Variants in AGBL4 observed in about 807,000 individuals in gnomAD.
AGBL4 encodes AGBL carboxypeptidase 4.
In AGBL4, 58 loss-of-function variants were observed where a neutral mutation model predicts 66.4. The observed-to-expected ratio is 0.87, with a 90% CI of 0.71 to 1.09. The LOEUF is 1.09. Ranked by LOEUF, AGBL4 falls within the 50% of genes least tolerant of loss-of-function variation. The pLI is 0.00. For synonymous variants in AGBL4, 234 were observed against 222.9 expected (o/e 1.05, Z -0.44); for missense variants, 579 against 631.0 (o/e 0.92, Z 0.88).
At chr1:49,881,792 T>C (rs554878223) in intron 1 of AGBL4, among the ~76,000 whole-genome samples, 1 of 151,734 alleles carries the variant, frequency 6.6e-6, no homozygotes, top group East Asian at 1.9e-4. Context: ...TATTAGCCCT[T>C]TGTCAGATGA....
chr1:48,678,048 T>C (rs745988811), intron 6 of AGBL4, among the ~76,000 whole-genome samples: 9 of 152,184 alleles, frequency 5.9e-5, no homozygotes, highest in African/African-American at 9.6e-5. Flanking sequence ...CAGGTGTCAG[T>C]TGGCTGTGCT....
intron 11 of AGBL4, among the ~76,000 whole-genome samples, chr1:48,543,381 ACCATCCATCCATCCATCCATCCAT>A (rs10568742): frequency 7.4e-5 from 11 of 148,614 alleles, no homozygotes; most frequent in Admixed American, 1.3e-4. Context: ...GAAATGATTT[ACCATCCATCCATCCATCCATCCAT>A]CCATCCATCC....
At chr1:49,638,809 G>C (rs1212912065) in intron 3 of AGBL4, among the ~76,000 whole-genome samples, 1 of 152,096 alleles carries the variant, frequency 6.6e-6, no homozygotes, top group Non-Finnish European at 1.5e-5. Context: ...CCCAGTCTTA[G>C]GTATTTTCTT....
intron 9 of AGBL4, 48 bp from the exon 10 acceptor site, chr1:48,591,033 G>A (rs577114972): frequency 2.0e-6 from 3 of 1,533,934 alleles, no homozygotes; most frequent in Non-Finnish European, 1.8e-6. Context: ...TGTAGAGCTT[G>A]TGTATAAGGG....
intron 3 of AGBL4, among the ~76,000 whole-genome samples, chr1:49,651,473 C>G (rs1984278): frequency 0.69 from 104,273 of 151,982 alleles, 36,553 homozygotes; most frequent in African/African-American, 0.78. Context: ...TAATGTAAGA[C>G]AGACGCTTCC....
chr1:49,642,791 C>G (rs928484223), intron 3 of AGBL4, among the ~76,000 whole-genome samples: 4 of 151,986 alleles, frequency 2.6e-5, no homozygotes, highest in Non-Finnish European at 5.9e-5. Context: ...TAACATTTAA[C>G]AGTTTATAAG....
chr1:48,659,477 C>A (rs2148451363), intron 7 of AGBL4, among the ~76,000 whole-genome samples: 1 of 152,288 alleles, frequency 6.6e-6, no homozygotes, highest in East Asian at 1.9e-4. Context: ...GATAAAGGGT[C>A]TGGAGAGGAC....
At chr1:49,490,850 A>T (rs1410870022) in intron 3 of AGBL4, among the ~76,000 whole-genome samples, 2 of 151,668 alleles carry the variant, frequency 1.3e-5, no homozygotes, top group African/African-American at 4.8e-5. Flanking sequence ...CAATAAAAAC[A>T]AAAACTCAAT....
chr1:48,828,959 A>G (rs1233175166), intron 6 of AGBL4, among the ~76,000 whole-genome samples: 1 of 152,162 alleles, frequency 6.6e-6, no homozygotes, highest in Non-Finnish European at 1.5e-5. Flanking sequence ...TCTCACAACC[A>G]TTGCTCTTTG....
intron 6 of AGBL4, among the ~76,000 whole-genome samples, chr1:48,771,078 C>A (rs1644803052): frequency 6.6e-6 from 1 of 152,204 alleles, no homozygotes; most frequent in African/African-American, 2.4e-5. Context: ...GTATTTATAA[C>A]ATATTTGGTA....
At chr1:49,687,290 T>C (rs1186533159) in intron 3 of AGBL4, among the ~76,000 whole-genome samples, 1 of 152,184 alleles carries the variant, frequency 6.6e-6, no homozygotes, top group Non-Finnish European at 1.5e-5. Flanking sequence ...TAAACTTGAA[T>C]GGCTGTAGCA....
intron 4 of AGBL4, among the ~76,000 whole-genome samples, chr1:49,159,398 T>C (rs1411398594): frequency 2.0e-5 from 3 of 152,320 alleles, no homozygotes; most frequent in Middle Eastern, 3.4e-3. Flanking sequence ...GCCCGCACTC[T>C]CTTCTGGCTT....
chr1:49,995,240 G>T, intron 1 of AGBL4: 1 of 455,938 alleles, frequency 2.2e-6, no homozygotes, highest in Non-Finnish European at 4.4e-6. Context: ...CAGTGGAGAG[G>T]CTTGGAGCCT....
At chr1:49,544,189 A>T (rs1457162466) in intron 3 of AGBL4, among the ~76,000 whole-genome samples, 1 of 152,252 alleles carries the variant, frequency 6.6e-6, no homozygotes, top group African/African-American at 2.4e-5. Flanking sequence ...AAAGTAATAT[A>T]ATTCTCTTGT....
chr1:49,366,339 G>A (rs776762391), intron 3 of AGBL4, among the ~76,000 whole-genome samples: 1 of 152,060 alleles, frequency 6.6e-6, no homozygotes, highest in South Asian at 2.1e-4. Context: ...CTTCCTATCC[G>A]CTATTGTACC....
chr1:49,626,614 A>T (rs1051073561), intron 3 of AGBL4, among the ~76,000 whole-genome samples: 2 of 148,780 alleles, frequency 1.3e-5, no homozygotes, highest in South Asian at 2.1e-4. Context: ...GGGTGTGTTG[A>T]TTCATCCCTA....
chr1:49,598,810 AG>A (rs1182769108), intron 3 of AGBL4, among the ~76,000 whole-genome samples: 5 of 152,266 alleles, frequency 3.3e-5, no homozygotes, highest in African/African-American at 4.8e-5. Context: ...TTTAGCATGA[AG>A]GGGTGTTGAA....
chr1:48,685,879 C>T (rs1181969001), intron 6 of AGBL4, among the ~76,000 whole-genome samples: 2 of 152,194 alleles, frequency 1.3e-5, no homozygotes, highest in Non-Finnish European at 2.9e-5. Context: ...TGGCAATAGT[C>T]ACAACTAAAA....
chr1:49,595,307 T>A (rs544867221), intron 3 of AGBL4, among the ~76,000 whole-genome samples: 3 of 152,216 alleles, frequency 2.0e-5, no homozygotes, highest in African/African-American at 7.2e-5. Flanking sequence ...GCCAGGATGG[T>A]CTTGATCTCC....
Sources: allele counts gnomAD v4.1 joint callset (sites outside exome capture counted in the v4.1 genomes callset), GRCh38; gene constraint gnomAD v4.1.1; transcripts MANE v1.5; gene names NCBI Gene and HGNC (gene_info 2026-07-23, HGNC 2026-07-21).